KCNH8: variants seen among roughly 807,000 people sequenced by gnomAD.
The protein encoded by KCNH8 is voltage-gated delayed rectifier potassium channel KCNH8.
KCNH8 carries 70 observed loss-of-function variants against 103.6 expected under a neutral mutation model. That is an observed-to-expected ratio of 0.68 (90% CI 0.56 to 0.82). KCNH8 has a LOEUF of 0.82. KCNH8 is among the 40% of genes least tolerant of loss of function. The probability of loss-of-function intolerance (pLI) is 0.00; values close to 1 mark genes in which losing one functional copy is unlikely to be tolerated. For missense variants in KCNH8, 1,217 were observed against 1,329.9 expected (o/e 0.92, Z 1.32); for synonymous variants, 498 against 489.4 (o/e 1.02, Z -0.23).
chr3:19,196,009 CTT>C (rs2063597828), intron 1 of KCNH8, among the ~76,000 whole-genome samples: 2 of 151,930 alleles, frequency 1.3e-5, no homozygotes. Context: ...TGTTCATTTC[CTT>C]TTTTAAAAAA....
chr3:19,532,258 G>C (rs891289603), intron 15 of KCNH8, among the ~76,000 whole-genome samples: 2 of 152,150 alleles, frequency 1.3e-5, no homozygotes, highest in East Asian at 1.9e-4. Flanking sequence ...CTAGAAAACT[G>C]AATAAAGTAC....
intron 2 of KCNH8, among the ~76,000 whole-genome samples, chr3:19,269,230 A>G (rs1403686198): frequency 1.3e-5 from 2 of 152,152 alleles, no homozygotes; most frequent in Non-Finnish European, 2.9e-5. Context: ...TAAGCAAGTT[A>G]TCACTGGAGA....
At chr3:19,148,819 G>C (rs759507060) in intron 1 of KCNH8, 24 bp downstream of exon 1, 2 of 1,600,100 alleles carry the variant, frequency 1.2e-6, no homozygotes, top group Middle Eastern at 3.3e-4. Flanking sequence ...TTGAACGAGT[G>C]GTATGGCATT....
intron 10 of KCNH8, among the ~76,000 whole-genome samples, chr3:19,452,300 G>A (rs1243271509): frequency 6.6e-5 from 10 of 152,062 alleles, no homozygotes; most frequent in Admixed American, 3.3e-4. Context: ...TGGGAGGATC[G>A]CTTGAGTCCC....
chr3:19,168,842 T>A (rs2063310477), intron 1 of KCNH8, among the ~76,000 whole-genome samples: 1 of 152,224 alleles, frequency 6.6e-6, no homozygotes, highest in African/African-American at 2.4e-5. Context: ...TACATTTTCA[T>A]CACTCCAATA....
At chr3:19,449,992 C>A in intron 8 of KCNH8, 114 bp from the exon 9 acceptor site, 2 of 796,550 alleles carry the variant, frequency 2.5e-6, no homozygotes, top group Non-Finnish European at 4.0e-6. Flanking sequence ...ATCAACATGG[C>A]CATGTAACCA....
At chr3:19,416,867 C>A (rs985931746) in intron 7 of KCNH8, among the ~76,000 whole-genome samples, 9 of 152,038 alleles carry the variant, frequency 5.9e-5, no homozygotes, top group African/African-American at 2.2e-4. Context: ...CTTTGTTATT[C>A]CCATAAGCTG....
At chr3:19,399,910 G>C (rs1452436771) in intron 7 of KCNH8, among the ~76,000 whole-genome samples, 2 of 151,842 alleles carry the variant, frequency 1.3e-5, no homozygotes, top group East Asian at 3.9e-4. Context: ...AACAAGACTA[G>C]GAAAAGAACA....
At chr3:19,510,254 C>T in intron 11 of KCNH8, 109 bp from the exon 12 acceptor site, 1 of 714,546 alleles carries the variant, frequency 1.4e-6, no homozygotes, top group Non-Finnish European at 2.6e-6. Context: ...GTGCTCCTTC[C>T]CTCCCACAAA....
chr3:19,490,544 C>A (rs577748788), intron 11 of KCNH8, among the ~76,000 whole-genome samples: 1 of 152,144 alleles, frequency 6.6e-6, no homozygotes, highest in Non-Finnish European at 1.5e-5. Flanking sequence ...GATAATATAA[C>A]CGATTAGGTC....
chr3:19,337,984 G>A (rs1455076885), intron 3 of KCNH8, among the ~76,000 whole-genome samples: 15 of 138,486 alleles, frequency 1.1e-4, no homozygotes, highest in East Asian at 2.0e-4. Context: ...ACACACACAC[G>A]CAGAGAGAGA....
chr3:19,375,140 T>A (rs991996848), intron 5 of KCNH8, among the ~76,000 whole-genome samples: 1 of 151,954 alleles, frequency 6.6e-6, no homozygotes, highest in African/African-American at 2.4e-5. Context: ...TTCCTGAATC[T>A]GAACGTTGGC....
Position 19,170,677 on chromosome 3 carries a change from C to CACATATAT in KCNH8, c.76+21885_76+21886insTATATACA, listed in dbSNP as rs2063334973. ...ACATATATACACACATATATATACA[C>CACATATAT]ACACACATATATACACACATATATA... On this transcript the variant is annotated intron_variant, in intron 1 of 15. Transcript: ENST00000328405. Among the ~76,000 whole-genome samples, 5 of 144,048 alleles carry CACATATAT rather than the reference C, an allele frequency of 3.5e-5. No individual in the cohort carries two copies. In the Admixed American group the frequency reaches 3.5e-4, roughly 10 times the overall value. 94.5% of individuals were successfully genotyped at this position (144,048 alleles called of 152,430 possible).
At chr3:19,284,209 G>C (rs552568296) in intron 3 of KCNH8, among the ~76,000 whole-genome samples, 1 of 151,858 alleles carries the variant, frequency 6.6e-6, no homozygotes, top group Non-Finnish European at 1.5e-5. Context: ...CATCACTAAA[G>C]TTCATCTAAG....
intron 5 of KCNH8, among the ~76,000 whole-genome samples, chr3:19,377,061 A>T (rs1294738225): frequency 6.6e-6 from 1 of 152,240 alleles, no homozygotes; most frequent in Non-Finnish European, 1.5e-5. Flanking sequence ...AATGTCTAGA[A>T]TACAATGGGA....
At chr3:19,331,051 A>G (rs1390634708) in intron 3 of KCNH8, among the ~76,000 whole-genome samples, 2 of 152,042 alleles carry the variant, frequency 1.3e-5, no homozygotes, top group Non-Finnish European at 2.9e-5. Flanking sequence ...TAGGCAGACT[A>G]TTTCTTACAA....
In KCNH8 at chr3:19,534,325, T is replaced by C. The variant is rs1386014576; in HGVS notation, c.*226T>C. On this transcript the variant is annotated 3_prime_UTR_variant, in exon 16 of 16. Transcript: ENST00000328405. ...TTTTTCTGTACAGGTATTAAACTAC[T>C]GGTCTGTTTGACAGACTTTGGTAAC... 1.8e-6 allele frequency: 1 copy of C among 544,282 alleles called. No homozygotes were observed. Among genetic ancestry groups the C allele is most frequent in the Non-Finnish European group, 3.2e-6 (1 of 308,580 alleles). The allele number at this position is 544,282 out of a possible 1,614,324, so 33.7% of individuals were successfully genotyped here.
rs2067425556 is a variant in KCNH8 at position 19,450,184 on chromosome 3, C to T, written c.1454C>T (p.Thr485Ile). Residue 485 changes from threonine to isoleucine, a missense_variant, in exon 9 of 16, where the codon ACT (threonine) becomes ATT (isoleucine). Physicochemically the swap from Thr to Ile is moderately conservative, Grantham distance 89 (BLOSUM62 -1). Transcript: ENST00000328405. ...RMYSRWSLYH[T>I]RTKDLKDFIR... ...TACTCCAGATGGTCCCTCTATCACA[C>T]TAGAACTAAGGATCTGAAAGATTTC... 3 of 1,613,470 alleles carry T rather than the reference C, an allele frequency of 1.9e-6. No homozygotes were observed. The highest frequency in any genetic ancestry group is 1.3e-5 in the African/African-American group (1 of 74,874).
intron 5 of KCNH8, among the ~76,000 whole-genome samples, chr3:19,370,700 C>T (rs1420058572): frequency 6.6e-6 from 1 of 152,040 alleles, no homozygotes; most frequent in East Asian, 1.9e-4. Flanking sequence ...TGCTGGTGCA[C>T]TGCACCCACT....
Sources: gnomAD v4.1 joint callset for allele counts (sites outside exome capture counted in the v4.1 genomes callset) on GRCh38, gnomAD v4.1.1 for gene constraint, MANE v1.5 for transcripts, NCBI Gene and HGNC (gene_info 2026-07-23, HGNC 2026-07-21) for gene names.